THEMIS: variants seen among roughly 807,000 people sequenced by gnomAD.
THEMIS encodes protein THEMIS.
THEMIS carries 37 observed loss-of-function variants against 52.6 expected under a neutral mutation model. The observed-to-expected ratio is 0.70, with a 90% confidence interval of 0.54 to 0.93. The LOEUF (loss-of-function observed/expected upper bound fraction) is 0.93. Ranked by LOEUF, THEMIS falls within the 40% of genes least tolerant of loss-of-function variation. The pLI is 0.00. For missense variants in THEMIS, 808 were observed against 763.1 expected, an observed-to-expected ratio of 1.06 and a Z score of -0.69; for synonymous variants, 292 against 272.7, an observed-to-expected ratio of 1.07 and a Z score of -0.70.
chr6:127,882,605 C>A (rs1780519176), intron 1 of THEMIS, among the ~76,000 whole-genome samples: 1 of 151,780 alleles, frequency 6.6e-6, no homozygotes, highest in Non-Finnish European at 1.5e-5. Context: ...TAGAAAAATA[C>A]TGGTGCTCTC....
chr6:127,772,045 A>T (rs1776404586), intron 4 of THEMIS, among the ~76,000 whole-genome samples: 1 of 152,104 alleles, frequency 6.6e-6, no homozygotes, highest in Non-Finnish European at 1.5e-5. Context: ...AGTATATTTA[A>T]ATCTGTCTCT....
At chr6:127,765,031 G>A (rs549822503) in intron 4 of THEMIS, among the ~76,000 whole-genome samples, 2 of 152,072 alleles carry the variant, frequency 1.3e-5, no homozygotes, top group East Asian at 3.9e-4. Flanking sequence ...ACATTCTCCA[G>A]GGATACCCGT....
At chr6:127,875,906 G>A (rs898464802) in intron 1 of THEMIS, among the ~76,000 whole-genome samples, 13 of 152,296 alleles carry the variant, frequency 8.5e-5, no homozygotes, top group African/African-American at 3.1e-4. Flanking sequence ...TGTGATTATA[G>A]CTAAATGAGG....
intron 4 of THEMIS, among the ~76,000 whole-genome samples, chr6:127,757,760 G>A (rs1562238654): frequency 1.3e-5 from 2 of 152,062 alleles, no homozygotes; most frequent in Non-Finnish European, 1.5e-5. Context: ...TGGGATTACA[G>A]GCATGAACCA....
At chr6:127,880,860 C>T (rs1166601433) in intron 1 of THEMIS, among the ~76,000 whole-genome samples, 1 of 152,000 alleles carries the variant, frequency 6.6e-6, no homozygotes, top group Non-Finnish European at 1.5e-5. Flanking sequence ...TAATGACTGA[C>T]CATTTCCATG....
intron 3 of THEMIS, among the ~76,000 whole-genome samples, chr6:127,827,752 T>G (rs529731509): frequency 7.2e-5 from 11 of 152,274 alleles, no homozygotes; most frequent in African/African-American, 2.2e-4. Context: ...TCTCTGTCTT[T>G]CCCATTGATG....
At chr6:127,733,874 A>C (rs923134953) in intron 4 of THEMIS, among the ~76,000 whole-genome samples, 1 of 152,236 alleles carries the variant, frequency 6.6e-6, no homozygotes, top group African/African-American at 2.4e-5. Flanking sequence ...AAACGGATAA[A>C]TAAGAAAATC....
intron 3 of THEMIS, among the ~76,000 whole-genome samples, chr6:127,823,179 A>G (rs1208194014): frequency 6.6e-6 from 1 of 152,146 alleles, no homozygotes; most frequent in African/African-American, 2.4e-5. Context: ...TGATATTTCT[A>G]TTAGCAATAA....
chr6:127,711,635 TA>T (rs1190523348), intron 5 of THEMIS, among the ~76,000 whole-genome samples: 4 of 151,990 alleles, frequency 2.6e-5, no homozygotes, highest in African/African-American at 9.7e-5. Flanking sequence ...CAAACAGTAA[TA>T]AAACCATATA....
chr6:127,755,128 C>T (rs756167744), intron 4 of THEMIS, among the ~76,000 whole-genome samples: 4 of 152,108 alleles, frequency 2.6e-5, no homozygotes, highest in African/African-American at 4.8e-5. Context: ...AAACCGCCAG[C>T]ATCTACAGAA....
At chr6:127,752,204 A>T (rs1775667014) in intron 4 of THEMIS, among the ~76,000 whole-genome samples, 1 of 151,666 alleles carries the variant, frequency 6.6e-6, no homozygotes, top group Non-Finnish European at 1.5e-5. Context: ...ACCTACATTA[A>T]AAAAGAGAAA....
At chr6:127,818,443 T>G (rs548412683) in intron 3 of THEMIS, among the ~76,000 whole-genome samples, 3 of 152,242 alleles carry the variant, frequency 2.0e-5, no homozygotes, top group African/African-American at 7.2e-5. Flanking sequence ...AAGAAAGCAC[T>G]ACATGAAAAT....
At chr6:127,779,445 A>G (rs960447977) in intron 4 of THEMIS, among the ~76,000 whole-genome samples, 4 of 152,168 alleles carry the variant, frequency 2.6e-5, no homozygotes, top group Non-Finnish European at 1.5e-5. Context: ...TTAGATTAAC[A>G]TAGTCTTCTG....
In THEMIS at chr6:127,832,337, A is replaced by T. The variant is rs555669453; in HGVS notation, c.251-2403T>A. 1.4e-4 allele frequency among the ~76,000 whole-genome samples: 22 copies of T among 152,334 alleles called. 1 individual carries two copies. In the East Asian group the frequency reaches 3.7e-3, roughly 25 times the overall value. ...TTTTCCTTAAAAGATGATGAAGTACACAGTTTAGCATACTAAAGTGGCACA... is the reference window on the plus strand; with the variant it reads ...TTTTCCTTAAAAGATGATGAAGTACTCAGTTTAGCATACTAAAGTGGCACA... On this transcript the variant is annotated intron_variant, in intron 2 of 5. Coordinates refer to ENST00000368248, the MANE Select transcript of THEMIS (RefSeq NM_001010923.3).
chr6:127,910,431 T>C (rs1781382616), intron 1 of THEMIS, among the ~76,000 whole-genome samples: 1 of 152,176 alleles, frequency 6.6e-6, no homozygotes, highest in South Asian at 2.1e-4. Context: ...TACGTAAGTA[T>C]TGTTTTCTGA....
At chr6:127,804,241 T>C (rs1777628476) in intron 4 of THEMIS, among the ~76,000 whole-genome samples, 1 of 152,104 alleles carries the variant, frequency 6.6e-6, no homozygotes, top group Admixed American at 6.6e-5. Flanking sequence ...AGGCATAATA[T>C]TGCAGAATTC....
At chr6:127,849,918 A>G (rs1264360235) in intron 2 of THEMIS, among the ~76,000 whole-genome samples, 1 of 152,164 alleles carries the variant, frequency 6.6e-6, no homozygotes, top group Non-Finnish European at 1.5e-5. Context: ...GTTTCCACAC[A>G]GCAAAAGAAA....
chr6:127,843,886 C>T (rs200488461), intron 2 of THEMIS, among the ~76,000 whole-genome samples: 1 of 151,990 alleles, frequency 6.6e-6, no homozygotes, highest in African/African-American at 2.4e-5. Flanking sequence ...TGTGAATGAA[C>T]TTGATAATAG....
chr6:127,781,225 G>A (rs1055852341), intron 4 of THEMIS, among the ~76,000 whole-genome samples: 10 of 151,726 alleles, frequency 6.6e-5, no homozygotes, highest in East Asian at 2.0e-4. Flanking sequence ...TTCTTGTGCC[G>A]TGTTTTTCAG....
Sources: gnomAD v4.1 joint callset for allele counts (sites outside exome capture counted in the v4.1 genomes callset) on GRCh38, gnomAD v4.1.1 for gene constraint, MANE v1.5 for transcripts, NCBI Gene and HGNC (gene_info 2026-07-23, HGNC 2026-07-21) for gene names.